Variants in LYPD6B observed in about 807,000 individuals in gnomAD.
LYPD6B encodes the protein LY6/PLAUR domain containing 6B.
LYPD6B carries 17 observed loss-of-function variants against 22.8 expected under a neutral mutation model. The observed-to-expected ratio is 0.75, with a 90% CI of 0.51 to 1.12. LYPD6B has a LOEUF of 1.12. Ranked by LOEUF, LYPD6B falls within the 50% of genes most tolerant of loss-of-function variation. The probability of loss-of-function intolerance (pLI) is 0.00; values close to 1 mark genes in which losing one functional copy is unlikely to be tolerated. For missense variants in LYPD6B, 221 were observed against 258.3 expected (o/e 0.86, Z 0.99); for synonymous variants, 106 against 91.6 (o/e 1.16, Z -0.90).
At chr2:149,136,020 G>C (rs1688347844) in intron 2 of LYPD6B, among the ~76,000 whole-genome samples, 1 of 152,086 alleles carries the variant, frequency 6.6e-6, no homozygotes, top group Non-Finnish European at 1.5e-5. Flanking sequence ...GCTTTCTGGA[G>C]GGCTGACACT....
At chr2:149,212,967 T>C in intron 5 of LYPD6B, 25 bp from the exon 6 acceptor site, 2 of 1,607,282 alleles carry the variant, frequency 1.2e-6, no homozygotes, top group Non-Finnish European at 8.5e-7. Context: ...TTTCTTGGTT[T>C]TGTTTTTTGT....
chr2:149,073,662 C>T (rs1684749686), intron 1 of LYPD6B, among the ~76,000 whole-genome samples: 1 of 152,022 alleles, frequency 6.6e-6, no homozygotes, highest in African/African-American at 2.4e-5. Flanking sequence ...TGCTGTGTCT[C>T]CTTGGATGAC....
intron 1 of LYPD6B, among the ~76,000 whole-genome samples, chr2:149,102,330 G>T (rs1046378279): frequency 1.3e-5 from 2 of 152,168 alleles, no homozygotes; most frequent in African/African-American, 4.8e-5. Context: ...ACAGTGAGAC[G>T]GAACTATTGA....
At chr2:149,121,904 G>A (rs1231356516) in intron 1 of LYPD6B, among the ~76,000 whole-genome samples, 1 of 152,206 alleles carries the variant, frequency 6.6e-6, no homozygotes, top group Non-Finnish European at 1.5e-5. Flanking sequence ...GACCCTGGGT[G>A]GTGCTGCCTT....
At chr2:149,129,640 G>A (rs1687904791) in intron 1 of LYPD6B, among the ~76,000 whole-genome samples, 1 of 152,216 alleles carries the variant, frequency 6.6e-6, no homozygotes, top group African/African-American at 2.4e-5. Context: ...GAAGTGGTGA[G>A]GAGTTCTAAG....
intron 1 of LYPD6B, among the ~76,000 whole-genome samples, chr2:149,057,402 A>T (rs199770963): frequency 0.014 from 1,069 of 78,498 alleles, 9 homozygotes; most frequent in African/African-American, 0.032. Flanking sequence ...TTTTTTTTTT[A>T]ATTACAGTGC....
intron 1 of LYPD6B, among the ~76,000 whole-genome samples, chr2:149,106,894 T>C (rs971991405): frequency 1.3e-5 from 2 of 152,130 alleles, no homozygotes; most frequent in African/African-American, 4.8e-5. Context: ...TTGAGAACTT[T>C]TTTTTCAATA....
rs1038469472 is a variant in LYPD6B at position 149,073,010 on chromosome 2, A to G, written c.-67+34209A>G. ...ACTTAACCTCATTTATTAAAGGAAC[A>G]CCAAGGAGGCCAGAATGGCTGGAGA... On this transcript the variant is annotated intron_variant, in intron 1 of 6. Transcript: ENST00000409642. Among the ~76,000 whole-genome samples the G allele has an allele frequency of 5.9e-5, 9 of 152,218 alleles. No homozygotes were observed. The East Asian group carries it at 9.6e-4, about 16-fold the overall frequency.
rs147443007 is a variant in LYPD6B at position 149,111,334 on chromosome 2, C to G, written c.-66-19549C>G. On this transcript the variant is annotated intron_variant, in intron 1 of 6. Coordinates refer to ENST00000409642, the MANE Select transcript of LYPD6B (RefSeq NM_177964.5). The stretch of plus-strand genomic sequence containing the variant: ...AATTGACTATAGGTAAAGGGTAGAG[C>G]AGGGAGACCAAGTTGGAAGTTACTA... Among the ~76,000 whole-genome samples, 372 of 152,202 alleles carry G rather than the reference C, an allele frequency of 2.4e-3. 1 individual carries two copies. The highest frequency in any genetic ancestry group is 8.6e-3 in the African/African-American group (357 of 41,522).
At chr2:149,045,455 C>T (rs1683265523) in intron 1 of LYPD6B, among the ~76,000 whole-genome samples, 1 of 151,802 alleles carries the variant, frequency 6.6e-6, no homozygotes, top group South Asian at 2.1e-4. Context: ...CTTGTCTTTG[C>T]TTAGGTTTAA....
intron 3 of LYPD6B, among the ~76,000 whole-genome samples, chr2:149,167,680 T>C (rs1033925051): frequency 6.6e-6 from 1 of 152,140 alleles, no homozygotes; most frequent in Non-Finnish European, 1.5e-5. Context: ...CTTATCACCA[T>C]AGAGGATGTT....
In LYPD6B at chr2:149,153,729, C is replaced by T. The variant is rs182768366; in HGVS notation, c.6-7035C>T. Among the ~76,000 whole-genome samples the T allele has an allele frequency of 1.4e-3, 207 of 151,752 alleles. 1 individual carries two copies. Among genetic ancestry groups the T allele is most frequent in the African/African-American group, 4.8e-3 (200 of 41,314 alleles). On this transcript the variant is annotated intron_variant, in intron 2 of 6. Transcript: ENST00000409642. Reference sequence around the variant, plus strand: ...GGCGGAGATTGCAGTGAGCCGAGATCGTGCCACTGCACTCCAGCCTGGCAA... The same window carrying T: ...GGCGGAGATTGCAGTGAGCCGAGATTGTGCCACTGCACTCCAGCCTGGCAA...
intron 2 of LYPD6B, among the ~76,000 whole-genome samples, chr2:149,132,573 G>A (rs7572804): frequency 0.4 from 60,587 of 151,736 alleles, 12,845 homozygotes; most frequent in East Asian, 0.54. Flanking sequence ...GCTACACACC[G>A]AGAAGGAGAA....
At chr2:149,127,443 C>T (rs1006055775) in intron 1 of LYPD6B, among the ~76,000 whole-genome samples, 28 of 152,136 alleles carry the variant, frequency 1.8e-4, no homozygotes, top group African/African-American at 6.8e-4. Flanking sequence ...GCCCAAGTCT[C>T]GGGTTCAGCT....
chr2:149,208,301 T>G lies in LYPD6B; in HGVS notation c.230-13T>G. The G allele has an allele frequency of 6.2e-7, 1 of 1,610,896 alleles. No homozygotes were observed. On this transcript the variant is annotated splice_polypyrimidine_tract_variant and intron_variant, in intron 4 of 6. Transcript: ENST00000409642. Reference sequence around the variant, plus strand: ...CTGTAGCTTACTGTTTCACTTTGCTTTTTTCTTTAAAGCTACACCATTTCC... The same window carrying G: ...CTGTAGCTTACTGTTTCACTTTGCTGTTTTCTTTAAAGCTACACCATTTCC...
intron 3 of LYPD6B, among the ~76,000 whole-genome samples, chr2:149,190,370 G>A (rs1692412633): frequency 6.6e-6 from 1 of 152,144 alleles, no homozygotes; most frequent in South Asian, 2.1e-4. Context: ...ATTACACACA[G>A]TGCTACAATG....
At chr2:149,094,213 T>C (rs2105453806) in intron 1 of LYPD6B, among the ~76,000 whole-genome samples, 1 of 152,364 alleles carries the variant, frequency 6.6e-6, no homozygotes, top group South Asian at 2.1e-4. Flanking sequence ...AACTTTTGTT[T>C]CCTTTCTAAA....
chr2:149,158,191 A>G (rs151251903), intron 2 of LYPD6B, among the ~76,000 whole-genome samples: 307 of 152,282 alleles, frequency 2.0e-3, no homozygotes, highest in African/African-American at 7.1e-3. Context: ...CCTCTTACAT[A>G]TGGTTCTTAA....
At chr2:149,080,852 A>T (rs930953186) in intron 1 of LYPD6B, among the ~76,000 whole-genome samples, 6 of 132,348 alleles carry the variant, frequency 4.5e-5, no homozygotes, top group Non-Finnish European at 1.0e-4. Context: ...AAAAAAAAAA[A>T]AAAAAAAAAA....
Sources: allele counts gnomAD v4.1 joint callset (sites outside exome capture counted in the v4.1 genomes callset), GRCh38; gene constraint gnomAD v4.1.1; transcripts MANE v1.5; gene names NCBI Gene and HGNC (gene_info 2026-07-23, HGNC 2026-07-21).